The following MBOAT2 variants were observed in gnomAD, a reference collection of about 807,000 sequenced individuals.
MBOAT2 encodes membrane-bound glycerophospholipid O-acyltransferase 2.
Under a neutral mutation model 63.4 loss-of-function variants are expected in MBOAT2, and 28 were observed. The ratio of observed to expected loss-of-function variants is 0.44; its 90% CI spans 0.33 to 0.61. MBOAT2 has a LOEUF of 0.61. MBOAT2 is among the 20% of genes least tolerant of loss of function. The pLI, the probability that MBOAT2 is intolerant of heterozygous loss-of-function variation, is 0.03. For missense variants in MBOAT2, 470 were observed against 605.8 expected, an observed-to-expected ratio of 0.78 and a Z score of 2.35; for synonymous variants, 211 against 215.6, an observed-to-expected ratio of 0.98 and a Z score of 0.19.
chr2:8,922,384 A>T (rs928485047), intron 3 of MBOAT2, among the ~76,000 whole-genome samples: 1 of 152,156 alleles, frequency 6.6e-6, no homozygotes, highest in Non-Finnish European at 1.5e-5. Flanking sequence ...CGTTTCTCTT[A>T]ATTTTTTAAA....
chr2:8,990,069 T>A (rs1327559910), intron 1 of MBOAT2, among the ~76,000 whole-genome samples: 1 of 152,184 alleles, frequency 6.6e-6, no homozygotes, highest in Non-Finnish European at 1.5e-5. Flanking sequence ...AACACGTTTG[T>A]TTTTTCATTT....
chr2:8,955,917 G>A (rs1179253002), intron 2 of MBOAT2, among the ~76,000 whole-genome samples: 1 of 152,192 alleles, frequency 6.6e-6, no homozygotes, highest in East Asian at 1.9e-4. Context: ...ACAACCCACT[G>A]AAGGCCCAGA....
chr2:8,862,487 C>T lies in MBOAT2; in HGVS notation c.1185+103G>A. On this transcript the variant is annotated intron_variant, in intron 11 of 12. Transcript: ENST00000305997. This position sits in a 1 kb window ranked among gnomAD's most constrained non-coding sequence, Gnocchi z 4.3. ...TTCTAGTGGAAAGGACAATACTGAC[C>T]ACGACCAAGGAAAGAGGGTCTACCT... 1 of 1,447,510 alleles carries T rather than the reference C, an allele frequency of 6.9e-7. No homozygotes were observed. The highest frequency in any genetic ancestry group is 2.0e-5 in the Admixed American group (1 of 49,242). The allele number at this position is 1,447,510 out of a possible 1,614,324, so 89.7% of individuals were successfully genotyped here. A position where few individuals can be genotyped will look rare whatever the true frequency, so the allele number is the denominator to read the frequency against.
intron 6 of MBOAT2, among the ~76,000 whole-genome samples, chr2:8,879,075 C>CAAAAA (rs58971939): frequency 2.4e-4 from 14 of 58,966 alleles, no homozygotes; most frequent in African/African-American, 8.5e-4. Context: ...GACTCCGTCT[C>CAAAAA]AAAAAAAAAA....
chr2:8,902,190 G>A (rs576914995), intron 4 of MBOAT2, among the ~76,000 whole-genome samples: 9 of 152,198 alleles, frequency 5.9e-5, no homozygotes, highest in Non-Finnish European at 1.3e-4. Flanking sequence ...ACCCGTGTCC[G>A]TAGTCCAGCG....
chr2:8,955,903 G>C (rs1458505231), intron 2 of MBOAT2, among the ~76,000 whole-genome samples: 1 of 152,140 alleles, frequency 6.6e-6, no homozygotes, highest in Non-Finnish European at 1.5e-5. Flanking sequence ...CCAACAAAGA[G>C]ATTACAACCC....
chr2:8,974,121 C>T (rs1355927295), intron 1 of MBOAT2, among the ~76,000 whole-genome samples: 3 of 152,130 alleles, frequency 2.0e-5, no homozygotes, highest in South Asian at 2.1e-4. Context: ...ATACTTTCTC[C>T]TTGCTAAAAG....
intron 1 of MBOAT2, among the ~76,000 whole-genome samples, chr2:8,982,064 G>A (rs547850469): frequency 7.4e-4 from 112 of 152,190 alleles, no homozygotes; most frequent in African/African-American, 2.5e-3. Context: ...AAGTGGAAGC[G>A]AGCCCAGGTT....
intron 6 of MBOAT2, among the ~76,000 whole-genome samples, chr2:8,878,592 C>T (rs1410694599): frequency 6.6e-6 from 1 of 152,234 alleles, no homozygotes; most frequent in African/African-American, 2.4e-5. Flanking sequence ...AGCAATCCTT[C>T]TGCCTTGGCC....
intron 1 of MBOAT2, among the ~76,000 whole-genome samples, chr2:8,961,643 T>A (rs994103683): frequency 1.3e-5 from 2 of 152,096 alleles, no homozygotes; most frequent in Non-Finnish European, 2.9e-5. Context: ...ACCTAGATTA[T>A]CCAATTAATG....
chr2:8,923,736 C>G (rs1666745631), intron 3 of MBOAT2, among the ~76,000 whole-genome samples: 1 of 152,162 alleles, frequency 6.6e-6, no homozygotes, highest in South Asian at 2.1e-4. Context: ...TCAATTCCCA[C>G]TGTTTTTGAT....
intron 3 of MBOAT2, among the ~76,000 whole-genome samples, chr2:8,940,832 A>G (rs1261024225): frequency 6.6e-6 from 1 of 152,248 alleles, no homozygotes; most frequent in Non-Finnish European, 1.5e-5. Context: ...TGTTCAGTAC[A>G]CAGATAAATT....
intron 6 of MBOAT2, among the ~76,000 whole-genome samples, chr2:8,878,899 A>AC (rs1377249202): frequency 2.6e-5 from 4 of 151,142 alleles, no homozygotes; most frequent in African/African-American, 9.7e-5. Flanking sequence ...AAACGGTGAA[A>AC]CCCCGTCTCT....
intron 1 of MBOAT2, among the ~76,000 whole-genome samples, chr2:9,001,263 T>C (rs1484623662): frequency 6.6e-6 from 1 of 152,110 alleles, no homozygotes. Context: ...CATAAACCAG[T>C]GATGCACTTA....
intron 1 of MBOAT2, among the ~76,000 whole-genome samples, chr2:8,963,382 T>C (rs1266839444): frequency 2.0e-5 from 3 of 152,092 alleles, no homozygotes; most frequent in South Asian, 4.1e-4. Context: ...CAGCTCACTG[T>C]AACCTCTGCC....
chr2:8,926,955 CCTCAAAACAA>C (rs1666976750), intron 3 of MBOAT2, among the ~76,000 whole-genome samples: 1 of 152,172 alleles, frequency 6.6e-6, no homozygotes, highest in African/African-American at 2.4e-5. Context: ...AATCTCAAGT[CCTCAAAACAA>C]CTCAATAGGA....
intron 1 of MBOAT2, among the ~76,000 whole-genome samples, chr2:8,979,465 G>T (rs1478758043): frequency 6.6e-6 from 1 of 152,004 alleles, no homozygotes; most frequent in Non-Finnish European, 1.5e-5. Context: ...AATAATCACT[G>T]GGATGTGCAT....
intron 1 of MBOAT2, among the ~76,000 whole-genome samples, chr2:8,960,521 G>A (rs972526163): frequency 6.6e-6 from 1 of 152,166 alleles, no homozygotes; most frequent in African/African-American, 2.4e-5. Flanking sequence ...CAAAGGATGT[G>A]AGGGGTAAGC....
chr2:8,868,171 T>G (rs1478503129), intron 9 of MBOAT2, among the ~76,000 whole-genome samples: 2 of 152,176 alleles, frequency 1.3e-5, no homozygotes, highest in Non-Finnish European at 2.9e-5. Context: ...AATACCCACA[T>G]GCCTTACCCC....
Sources: allele counts gnomAD v4.1 joint callset (sites outside exome capture counted in the v4.1 genomes callset), GRCh38; gene constraint gnomAD v4.1.1; non-coding constraint Gnocchi (gnomAD v3.1); transcripts MANE v1.5; gene names NCBI Gene and HGNC (gene_info 2026-07-23, HGNC 2026-07-21).